The following FOS variants were observed in gnomAD, a reference collection of about 807,000 sequenced individuals.
FOS encodes the protein Fos proto-oncogene, AP-1 transcription factor subunit.
In FOS, 9 loss-of-function variants were observed where a neutral mutation model predicts 27.2. That is an observed-to-expected ratio of 0.33 (90% CI 0.20 to 0.58). The LOEUF (loss-of-function observed/expected upper bound fraction) is 0.58. FOS is among the 20% of genes least tolerant of loss of function. FOS has a pLI of 0.87. For synonymous variants in FOS, 213 were observed against 205.1 expected (o/e 1.04, Z -0.33); for missense variants, 405 against 483.5 (o/e 0.84, Z 1.52).
rs1465033153 is a variant in FOS, at chr14:75,278,915, G to C, written c.-68G>C. The C allele has an allele frequency of 1.3e-6, 2 of 1,592,966 alleles. No homozygotes were observed. The highest frequency in any genetic ancestry group is 2.7e-5 in the African/African-American group (2 of 74,434). ...CGAGCAGTGACCGTGCTCCTACCCA[G>C]CTCTGCTCCACAGCGCCCACCTGTC... On this transcript the variant is annotated 5_prime_UTR_variant, in exon 1 of 4. Transcript: ENST00000303562. The surrounding 1 kb of genome is among the most constrained non-coding windows in gnomAD (Gnocchi z 4.1).
In FOS at chr14:75,280,573, A is replaced by G; in HGVS notation, c.407A>G (p.Glu136Gly). Reference protein sequence around the residue: ...RGKVEQLSPEEEEKRRIRRER... With the variant: ...RGKVEQLSPEGEEKRRIRRER... Reference sequence around the variant, plus strand: ...TGATTATTCTAGTTATCTCCAGAAGAAGAAGAGAAAAGGAGAATCCGAAGG... The same window carrying G: ...TGATTATTCTAGTTATCTCCAGAAGGAGAAGAGAAAAGGAGAATCCGAAGG... Residue 136 changes from glutamate to glycine, a missense_variant, in exon 3 of 4, where the codon GAA becomes GGA. Transcript: ENST00000303562. The G allele has an allele frequency of 1.2e-6, 2 of 1,613,184 alleles. No homozygotes were observed. The highest frequency in any genetic ancestry group is 8.5e-7 in the Non-Finnish European group (1 of 1,179,468).
rs879717286 is a variant in FOS, at chr14:75,279,727, G to T, written c.142-150G>T. On this transcript the variant is annotated intron_variant, in intron 1 of 3. Transcript: ENST00000303562. The surrounding 1 kb of genome is among the most constrained non-coding windows in gnomAD (Gnocchi z 5.4). ...GGAATGCCTGGGAGGAAAAGGGGGAGACCTTTCATCCAGGATGAGGGACAT... is the reference window on the plus strand; with the variant it reads ...GGAATGCCTGGGAGGAAAAGGGGGATACCTTTCATCCAGGATGAGGGACAT... The T allele has an allele frequency of 6.1e-5, 55 of 903,772 alleles. No individual in the cohort carries two copies. The highest frequency in any genetic ancestry group is 9.5e-5 in the Admixed American group (4 of 42,218). The allele number at this position is 903,772 out of a possible 1,614,324, so 56.0% of individuals were successfully genotyped here.
In FOS at chr14:75,279,798, A is replaced by G; in HGVS notation, c.142-79A>G. ...CAGGATCGTTTCTCTTCACTGCTGC[A>G]TGCGGCACTGGGAACTCGCCCCACC... On this transcript the variant is annotated intron_variant, in intron 1 of 3. Coordinates refer to ENST00000303562, the MANE Select transcript of FOS (RefSeq NM_005252.4). The surrounding 1 kb of genome is among the most constrained non-coding windows in gnomAD (Gnocchi z 5.4). The G allele has an allele frequency of 6.8e-7, 1 of 1,476,860 alleles. No homozygotes were observed. The highest frequency in any genetic ancestry group is 9.2e-7 in the Non-Finnish European group (1 of 1,092,370). The allele number at this position is 1,476,860 out of a possible 1,614,324, so 91.5% of individuals were successfully genotyped here. A position where few individuals can be genotyped will look rare whatever the true frequency, so the allele number is the denominator to read the frequency against.
intron 2 of FOS, 128 bp downstream of exon 2, chr14:75,280,256 C>A: frequency 7.6e-7 from 1 of 1,308,412 alleles, no homozygotes; most frequent in African/African-American, 1.5e-5. Context: ...TAACTGGGAG[C>A]CCTGGCTCCA....
At position 75,279,111 on chromosome 14, in the gene FOS, T is replaced by C. The variant is rs1277044696; in HGVS notation, c.129T>C (p.Pro43=). ...ACTCCTTCTCCAGCATGGGCTCGCC[T>C]GTCAACGCGCAGGTAAGGCTGGCTT... is the stretch of plus-strand genomic sequence containing the variant. ...PADSFSSMGS[P]VNAQDFCTDL... is the part of the protein sequence containing the mutation. The change falls in exon 1 of 4, where the codon CCT becomes CCC. Residue 43 remains proline, a synonymous_variant. Coordinates refer to ENST00000303562, the MANE Select transcript of FOS (RefSeq NM_005252.4). This position sits in a 1 kb window ranked among gnomAD's most constrained non-coding sequence, Gnocchi z 5.4. 1.2e-6 allele frequency: 2 copies of C among 1,613,320 alleles called. No homozygotes were observed. The highest frequency in any genetic ancestry group is 1.1e-5 in the South Asian group (1 of 91,088).
chr14:75,281,109 A>T lies in FOS; in HGVS notation c.828A>T (p.Ala276=), dbSNP rs1255367430. ...CCTTTGATGACTTCCTGTTCCCAGC[A>T]TCATCCAGGCCCAGTGGCTCTGAGA... The part of the protein sequence containing the change: ...TEPFDDFLFP[A]SSRPSGSETA... The change falls in exon 4 of 4, where the codon GCA becomes GCT. Residue 276 remains alanine (A), a synonymous_variant. Coordinates refer to ENST00000303562, the MANE Select transcript of FOS (RefSeq NM_005252.4). This position sits in a 1 kb window ranked among gnomAD's most constrained non-coding sequence, Gnocchi z 4.7. 3.1e-6 allele frequency: 5 copies of T among 1,609,510 alleles called. No homozygotes were observed. The African/African-American group carries it at 6.7e-5, about 21-fold the overall frequency.
In FOS at chr14:75,279,918, T is replaced by G. The variant is rs778847921; in HGVS notation, c.183T>G (p.Ile61Met). 6.2e-7 allele frequency: 1 copy of G among 1,613,532 alleles called. No individual in the cohort carries two copies. Among genetic ancestry groups the G allele is most frequent in the Non-Finnish European group, 8.5e-7 (1 of 1,179,652 alleles). Residue 61 changes from isoleucine to methionine, a missense_variant, in exon 2 of 4, where the codon ATT becomes ATG. Ile to Met is a conservative substitution (Grantham distance 10). Coordinates refer to ENST00000303562, the MANE Select transcript of FOS (RefSeq NM_005252.4). The surrounding 1 kb of genome is among the most constrained non-coding windows in gnomAD (Gnocchi z 5.4). The stretch of plus-strand genomic sequence containing the variant: ...TGGCCGTCTCCAGTGCCAACTTCAT[T>G]CCCACGGTCACTGCCATCTCGACCA... ...TDLAVSSANF[I>M]PTVTAISTSP...
chr14:75,279,040 G>T lies in FOS; in HGVS notation c.58G>T (p.Ala20Ser). 1.2e-6 allele frequency: 2 copies of T among 1,613,700 alleles called. No homozygotes were observed. Among genetic ancestry groups the T allele is most frequent in the Non-Finnish European group, 1.7e-6 (2 of 1,179,936 alleles). The change falls in exon 1 of 4, where the codon GCG becomes TCG. Residue 20 changes from alanine (A) to serine (S), a missense_variant. By Grantham distance (99) the Ala-to-Ser change is moderately conservative. Coordinates refer to ENST00000303562, the MANE Select transcript of FOS (RefSeq NM_005252.4). The surrounding 1 kb of genome is among the most constrained non-coding windows in gnomAD (Gnocchi z 5.4). ...GGCGTCATCCTCCCGCTGCAGCAGC[G>T]CGTCCCCGGCCGGGGATAGCCTCTC... ...YEASSSRCSS[A>S]SPAGDSLSYY...
rs750121384 is a variant in FOS at position 75,281,272 on chromosome 14, A to G, written c.991A>G (p.Thr331Ala). The change falls in exon 4 of 4, where the codon ACT (threonine) becomes GCT (alanine). Residue 331 changes from threonine (T) to alanine (A), a missense_variant. Coordinates refer to ENST00000303562, the MANE Select transcript of FOS (RefSeq NM_005252.4). The surrounding 1 kb of genome is among the most constrained non-coding windows in gnomAD (Gnocchi z 4.7). ...EPLCTPVVTC[T>A]PSCTAYTSSF... ...CCTGTGCACTCCGGTGGTCACCTGT[A>G]CTCCCAGCTGCACTGCTTACACGTC... The G allele has an allele frequency of 7.4e-6, 12 of 1,611,020 alleles. No individual in the cohort carries two copies. The South Asian group carries it at 1.3e-4, about 18-fold the overall frequency.
chr14:75,281,778 T>C lies in FOS; in HGVS notation c.*354T>C, dbSNP rs1468124573. On this transcript the variant is annotated 3_prime_UTR_variant, in exon 4 of 4. Coordinates refer to ENST00000303562, the MANE Select transcript of FOS (RefSeq NM_005252.4). This position sits in a 1 kb window ranked among gnomAD's most constrained non-coding sequence, Gnocchi z 4.7. Reference sequence around the variant, plus strand: ...TTAACTAATCTATTGGGTTCATTATTGGAATTAACCTGGTGCTGGATATTT... The same window carrying C: ...TTAACTAATCTATTGGGTTCATTATCGGAATTAACCTGGTGCTGGATATTT... 7.4e-6 allele frequency: 2 copies of C among 268,818 alleles called. No homozygotes were observed. Among genetic ancestry groups the C allele is most frequent in the Non-Finnish European group, 1.4e-5 (2 of 138,134 alleles). 16.7% of individuals were successfully genotyped at this position (268,818 alleles called of 1,614,324 possible).
rs1322639260 is a variant in FOS at position 75,280,984 on chromosome 14, T to A, written c.703T>A (p.Ser235Thr). ...CCTGCCAGAGGTTGCCACCCCGGAG[T>A]CTGAGGAGGCCTTCACCCTGCCTCT... Reference protein sequence around the residue: ...GGLPEVATPESEEAFTLPLLN... With the variant: ...GGLPEVATPETEEAFTLPLLN... The change falls in exon 4 of 4, where the codon TCT becomes ACT. Residue 235 changes from serine (S) to threonine (T), a missense_variant. Coordinates refer to ENST00000303562, the MANE Select transcript of FOS (RefSeq NM_005252.4). 1.2e-6 allele frequency: 2 copies of A among 1,613,818 alleles called. No homozygotes were observed. The highest frequency in any genetic ancestry group is 2.7e-5 in the African/African-American group (2 of 74,840).
chr14:75,279,519 C>T lies in FOS; in HGVS notation c.142-358C>T. 2.3e-6 allele frequency: 1 copy of T among 435,658 alleles called. No homozygotes were observed. The highest frequency in any genetic ancestry group is 6.2e-4 in the Middle Eastern group (1 of 1,616). The allele number at this position is 435,658 out of a possible 1,614,324, so 27.0% of individuals were successfully genotyped here. ...GGAGGAGGGATGAGGGAGGAGGGTGCAGCGGGCGGGTGTGTAAGGCAGTTT... is the reference window on the plus strand; with the variant it reads ...GGAGGAGGGATGAGGGAGGAGGGTGTAGCGGGCGGGTGTGTAAGGCAGTTT... On this transcript the variant is annotated intron_variant, in intron 1 of 3. Transcript: ENST00000303562. The surrounding 1 kb of genome is among the most constrained non-coding windows in gnomAD (Gnocchi z 5.4).
In FOS at chr14:75,279,662, G is replaced by A. The variant is rs183673736; in HGVS notation, c.142-215G>A. ...GCAAGTGATGCTGAAGGGATAACGG[G>A]AACGCAGCGGCAGGATGGAAGAGAC... On this transcript the variant is annotated intron_variant, in intron 1 of 3. Coordinates refer to ENST00000303562, the MANE Select transcript of FOS (RefSeq NM_005252.4). This position sits in a 1 kb window ranked among gnomAD's most constrained non-coding sequence, Gnocchi z 5.4. 13 of 593,222 alleles carry A rather than the reference G, an allele frequency of 2.2e-5. No individual in the cohort carries two copies. The highest frequency in any genetic ancestry group is 1.2e-4 in the Admixed American group (4 of 33,450). 36.7% of individuals were successfully genotyped at this position (593,222 alleles called of 1,614,324 possible). A position where few individuals can be genotyped will look rare whatever the true frequency, so the allele number is the denominator to read the frequency against.
Position 75,281,099 on chromosome 14 carries a change from T to G in FOS, c.818T>G (p.Leu273Arg), listed in dbSNP as rs780144007. Reference sequence around the variant, plus strand: ...AAGACCGAGCCCTTTGATGACTTCCTGTTCCCAGCATCATCCAGGCCCAGT... The same window carrying G: ...AAGACCGAGCCCTTTGATGACTTCCGGTTCCCAGCATCATCCAGGCCCAGT... Reference protein sequence around the residue: ...ELKTEPFDDFLFPASSRPSGS... With the variant: ...ELKTEPFDDFRFPASSRPSGS... Residue 273 changes from leucine (L) to arginine (R), a missense_variant, in exon 4 of 4, where the codon CTG (leucine) becomes CGG (arginine). By Grantham distance (102) the Leu-to-Arg change is moderately radical. Transcript: ENST00000303562. This position sits in a 1 kb window ranked among gnomAD's most constrained non-coding sequence, Gnocchi z 4.7. 10 of 1,609,872 alleles carry G rather than the reference T, an allele frequency of 6.2e-6. No individual in the cohort carries two copies. The highest frequency in any genetic ancestry group is 8.5e-6 in the Non-Finnish European group (10 of 1,180,006).
chr14:75,281,198 T>A lies in FOS; in HGVS notation c.917T>A (p.Leu306Gln), dbSNP rs1897225995. ...TTCTATGCAGCAGACTGGGAGCCTC[T>A]GCACAGTGGCTCCCTGGGGATGGGG... is the stretch of plus-strand genomic sequence containing the variant. ...GSFYAADWEP[L>Q]HSGSLGMGPM... Residue 306 changes from leucine (L) to glutamine (Q), a missense_variant, in exon 4 of 4, where the codon CTG becomes CAG. Transcript: ENST00000303562. This position sits in a 1 kb window ranked among gnomAD's most constrained non-coding sequence, Gnocchi z 4.7. The A allele has an allele frequency of 6.2e-7, 1 of 1,612,424 alleles. No homozygotes were observed. Among genetic ancestry groups the A allele is most frequent in the African/African-American group, 1.3e-5 (1 of 74,940 alleles).
chr14:75,280,627 G>A lies in FOS; in HGVS notation c.461G>A (p.Cys154Tyr). 1 of 1,614,206 alleles carries A rather than the reference G, an allele frequency of 6.2e-7. No homozygotes were observed. The highest frequency in any genetic ancestry group is 1.1e-5 in the South Asian group (1 of 91,084). ...AGGAATAAGATGGCTGCAGCCAAAT[G>A]CCGCAACCGGAGGAGGGAGCTGACT... ...RERNKMAAAKCRNRRRELTDT... is the reference protein window; with the variant it reads ...RERNKMAAAKYRNRRRELTDT... Residue 154 changes from cysteine (C) to tyrosine (Y), a missense_variant, in exon 3 of 4, where the codon TGC becomes TAC. Physicochemically the swap from Cys to Tyr is radical, Grantham distance 194. Transcript: ENST00000303562.
rs755879320 is a variant in FOS at position 75,279,858 on chromosome 14, C to T, written c.142-19C>T. 6.4e-7 allele frequency: 1 copy of T among 1,570,068 alleles called. No individual in the cohort carries two copies. The highest frequency in any genetic ancestry group is 1.2e-5 in the South Asian group (1 of 86,674). ...AACCTGCTCGCTCACGTCGGCTTTCCCCTTCTGTTTTGTTCTAGGACTTCT... is the reference window on the plus strand; with the variant it reads ...AACCTGCTCGCTCACGTCGGCTTTCTCCTTCTGTTTTGTTCTAGGACTTCT... On this transcript the variant is annotated intron_variant, in intron 1 of 3. Coordinates refer to ENST00000303562, the MANE Select transcript of FOS (RefSeq NM_005252.4). The surrounding 1 kb of genome is among the most constrained non-coding windows in gnomAD (Gnocchi z 5.4).
chr14:75,280,132 A>T lies in FOS; in HGVS notation c.393+4A>T. On this transcript the variant is annotated splice_donor_region_variant and intron_variant, in intron 2 of 3. Coordinates refer to ENST00000303562, the MANE Select transcript of FOS (RefSeq NM_005252.4). ...CAGGAGGGGCAAGGTGGAACAGGTG[A>T]GGAACTCTAGCGTACTCTTCCTGGG... 1 of 1,613,616 alleles carries T rather than the reference A, an allele frequency of 6.2e-7. No individual in the cohort carries two copies. The highest frequency in any genetic ancestry group is 8.5e-7 in the Non-Finnish European group (1 of 1,179,996).
In FOS at chr14:75,280,759, T is replaced by TTTCC. The variant is rs35423373; in HGVS notation, c.502-21_502-18dup. 73 of 1,613,102 alleles carry TTTCC rather than the reference T, an allele frequency of 4.5e-5. 4 individuals carry two copies. The African/African-American group carries it at 6.1e-4, about 14-fold the overall frequency. Reference sequence around the variant, plus strand: ...CCTTGAGTAAGACTGTGTCTTATGCTTTCCTTTATCCCTCTGTATACAGGA... The same window carrying TTTCC: ...CCTTGAGTAAGACTGTGTCTTATGCTTTCCTTCCTTTATCCCTCTGTATACAGGA... On this transcript the variant is annotated intron_variant, in intron 3 of 3. Coordinates refer to ENST00000303562, the MANE Select transcript of FOS (RefSeq NM_005252.4).
Sources: gnomAD v4.1 joint callset for allele counts on GRCh38, gnomAD v4.1.1 for gene constraint, Gnocchi (gnomAD v3.1) non-coding constraint, MANE v1.5 for transcripts, NCBI Gene and HGNC (gene_info 2026-07-23, HGNC 2026-07-21) for gene names.